Variants in FMN1 observed in about 807,000 individuals in gnomAD.
The protein encoded by FMN1 is formin-1.
Under a neutral mutation model 132.4 loss-of-function variants are expected in FMN1, and 110 were observed. The observed-to-expected ratio is 0.83, with a 90% CI of 0.71 to 0.97. The LOEUF is 0.97. Ranked by LOEUF, FMN1 falls within the 50% of genes least tolerant of loss-of-function variation. The pLI is 0.00. For missense variants in FMN1, 1,792 were observed against 1,705.3 expected (o/e 1.05, Z -0.90); for synonymous variants, 722 against 651.7 (o/e 1.11, Z -1.64).
intron 7 of FMN1, among the ~76,000 whole-genome samples, chr15:32,983,325 G>T (rs1382776239): frequency 6.6e-6 from 1 of 152,180 alleles, no homozygotes; most frequent in Admixed American, 6.5e-5. Context: ...TGTACTGATA[G>T]AAAACATCAA....
intron 9 of FMN1, among the ~76,000 whole-genome samples, chr15:32,946,756 G>C (rs1417153693): frequency 6.6e-6 from 1 of 152,192 alleles, no homozygotes; most frequent in Non-Finnish European, 1.5e-5. Flanking sequence ...TAGAATGCCA[G>C]ACATACACGA....
chr15:33,124,323 G>C (rs1053326134), intron 4 of FMN1, among the ~76,000 whole-genome samples: 1 of 152,218 alleles, frequency 6.6e-6, no homozygotes, highest in African/African-American at 2.4e-5. Flanking sequence ...GGTCTGGTCA[G>C]CGTCTTGCTG....
At chr15:33,019,233 CCCA>C (rs1566832960) in intron 6 of FMN1, among the ~76,000 whole-genome samples, 1 of 152,162 alleles carries the variant, frequency 6.6e-6, no homozygotes, top group East Asian at 1.9e-4. Flanking sequence ...TCTCCACCTC[CCCA>C]CTAGATTAGC....
intron 17 of FMN1, among the ~76,000 whole-genome samples, chr15:32,827,454 T>A (rs2058394666): frequency 6.6e-6 from 1 of 152,188 alleles, no homozygotes; most frequent in South Asian, 2.1e-4. Context: ...TCATAACATA[T>A]AAGAAAATAG....
At chr15:33,081,873 A>G (rs1031090160) in intron 5 of FMN1, among the ~76,000 whole-genome samples, 3 of 152,162 alleles carry the variant, frequency 2.0e-5, no homozygotes, top group Non-Finnish European at 4.4e-5. Context: ...AATTACATCC[A>G]GGTTCATAAG....
chr15:33,180,499 G>GT (rs1965659034), intron 2 of FMN1, among the ~76,000 whole-genome samples: 1 of 152,070 alleles, frequency 6.6e-6, no homozygotes, highest in Admixed American at 6.6e-5. Flanking sequence ...CTAGCATAGG[G>GT]TAACCAACCA....
chr15:32,870,013 C>T (rs914169868), intron 16 of FMN1, among the ~76,000 whole-genome samples: 1 of 152,184 alleles, frequency 6.6e-6, no homozygotes, highest in African/African-American at 2.4e-5. Context: ...ATGGGGAAGT[C>T]GTTGGAATTA....
intron 7 of FMN1, among the ~76,000 whole-genome samples, chr15:33,000,451 G>GAAA (rs35351686): frequency 0.011 from 1,314 of 115,524 alleles, 30 homozygotes; most frequent in Non-Finnish European, 0.013. Context: ...TCCATCTCAG[G>GAAA]AAAAAAAAAA....
chr15:32,960,816 T>C (rs1480300753), intron 9 of FMN1, among the ~76,000 whole-genome samples: 1 of 151,562 alleles, frequency 6.6e-6, no homozygotes, highest in Non-Finnish European at 1.5e-5. Context: ...GCCAACTTGG[T>C]GAAAACCTGT....
chr15:32,788,170 G>C (rs542631504), intron 19 of FMN1, among the ~76,000 whole-genome samples: 1 of 152,282 alleles, frequency 6.6e-6, no homozygotes, highest in African/African-American at 2.4e-5. Flanking sequence ...CCCTGGACTT[G>C]CCCTGGAATG....
chr15:32,979,291 C>T (rs2032452520), intron 7 of FMN1, among the ~76,000 whole-genome samples: 1 of 152,136 alleles, frequency 6.6e-6, no homozygotes, highest in South Asian at 2.1e-4. Context: ...CATGGTGGTT[C>T]ACACCTGTAA....
At chr15:33,112,545 A>G (rs77377023) in intron 4 of FMN1, among the ~76,000 whole-genome samples, 3,402 of 152,248 alleles carry the variant, frequency 0.022, 123 homozygotes, top group African/African-American at 0.078. Context: ...TGCAGCAAAG[A>G]ATTTCAGGCA....
chr15:33,018,695 A>C (rs2035225511), intron 6 of FMN1, among the ~76,000 whole-genome samples: 2 of 151,674 alleles, frequency 1.3e-5, no homozygotes, highest in South Asian at 4.2e-4. Flanking sequence ...GAAGCTGCGG[A>C]CCCTTGCCAT....
At chr15:33,138,187 A>C (rs1963853314) in intron 4 of FMN1, among the ~76,000 whole-genome samples, 1 of 152,192 alleles carries the variant, frequency 6.6e-6, no homozygotes, top group African/African-American at 2.4e-5. Context: ...AGATAAAATA[A>C]ACATTGGAAA....
chr15:32,772,254 A>T lies in FMN1; in HGVS notation c.*2056T>A, dbSNP rs2056271567. ...TTACCTTCACTGATTTCTCGTAAGC[A>T]TCCTACTTACAGACCAAAGTGGACT... On this transcript the variant is annotated 3_prime_UTR_variant, in exon 21 of 21. Transcript: ENST00000616417. 6.6e-6 allele frequency: 1 copy of T among 152,236 alleles called. No homozygotes were observed. The allele number at this position is 152,236 out of a possible 1,614,324, so 9.4% of individuals were successfully genotyped here. A position where few individuals can be genotyped will look rare whatever the true frequency, so the allele number is the denominator to read the frequency against.
chr15:33,016,589 C>G (rs575422085), intron 6 of FMN1, among the ~76,000 whole-genome samples: 1 of 152,316 alleles, frequency 6.6e-6, no homozygotes, highest in Admixed American at 6.5e-5. Flanking sequence ...GCCAGCAGAG[C>G]TTTTTAACTG....
At chr15:32,899,169 C>G (rs2060233152) in intron 14 of FMN1, among the ~76,000 whole-genome samples, 1 of 152,076 alleles carries the variant, frequency 6.6e-6, no homozygotes, top group South Asian at 2.1e-4. Flanking sequence ...AAGTTGTGTC[C>G]TTGTATTTTC....
chr15:33,182,763 T>A (rs1965747283), intron 2 of FMN1, among the ~76,000 whole-genome samples: 1 of 152,150 alleles, frequency 6.6e-6, no homozygotes, highest in Non-Finnish European at 1.5e-5. Context: ...CAACCACAAA[T>A]GTCACCCACC....
intron 5 of FMN1, among the ~76,000 whole-genome samples, chr15:33,074,021 G>A (rs1205274167): frequency 6.6e-6 from 1 of 152,160 alleles, no homozygotes; most frequent in Non-Finnish European, 1.5e-5. Flanking sequence ...ATGAGCCACT[G>A]CCTCCGGCCT....
Sources: allele counts gnomAD v4.1 joint callset (sites outside exome capture counted in the v4.1 genomes callset), GRCh38; gene constraint gnomAD v4.1.1; transcripts MANE v1.5; gene names NCBI Gene and HGNC (gene_info 2026-07-23, HGNC 2026-07-21).